Variants in NTM observed in about 807,000 individuals in gnomAD.
The protein encoded by NTM is IgLON family member 2.
A neutral mutation model predicts 42.1 loss-of-function variants in NTM; 13 were observed. The ratio of observed to expected loss-of-function variants is 0.31; its 90% CI spans 0.20 to 0.49. NTM has a LOEUF of 0.49. NTM is among the 20% of genes least tolerant of loss of function. The pLI is 0.99. For missense variants in NTM, 373 were observed against 452.8 expected (o/e 0.82, Z 1.60); for synonymous variants, 187 against 179.2 (o/e 1.04, Z -0.35).
chr11:131,823,867 A>G (rs1161872576), intron 1 of NTM, among the ~76,000 whole-genome samples: 1 of 152,242 alleles, frequency 6.6e-6, no homozygotes, highest in Non-Finnish European at 1.5e-5. Context: ...TTGCATTTAA[A>G]GTGCACAAAT....
chr11:131,851,786 T>G (rs1454018310), intron 1 of NTM, among the ~76,000 whole-genome samples: 1 of 152,006 alleles, frequency 6.6e-6, no homozygotes, highest in Non-Finnish European at 1.5e-5. Context: ...TGCCAAATGA[T>G]GGACCAAAGC....
Position 131,637,469 on chromosome 11 carries a change from T to C in NTM, c.82+266581T>C, listed in dbSNP as rs141441177. Among the ~76,000 whole-genome samples the C allele has an allele frequency of 7.2e-4, 109 of 151,858 alleles. 1 individual carries two copies. Among genetic ancestry groups the C allele is most frequent in the Admixed American group, 1.2e-3 (19 of 15,244 alleles). ...CCTGTATTCGTAGGTCTTTTCCAGA[T>C]GGCCCACTGTCTAGATCATACTGCC... On this transcript the variant is annotated intron_variant, in intron 1 of 8. Transcript: ENST00000683400.
intron 1 of NTM, among the ~76,000 whole-genome samples, chr11:131,707,167 C>T (rs547509964): frequency 6.6e-6 from 1 of 151,970 alleles, no homozygotes; most frequent in African/African-American, 2.4e-5. Context: ...CATCACCCCA[C>T]CCCTGAGTCC....
chr11:131,577,821 C>A (rs2058064895), intron 1 of NTM, among the ~76,000 whole-genome samples: 1 of 152,194 alleles, frequency 6.6e-6, no homozygotes, highest in Non-Finnish European at 1.5e-5. Flanking sequence ...AAGATTAAGT[C>A]ATGTCAGACA....
At chr11:131,437,350 T>C (rs1949227813) in intron 1 of NTM, among the ~76,000 whole-genome samples, 1 of 152,202 alleles carries the variant, frequency 6.6e-6, no homozygotes, top group South Asian at 2.1e-4. Flanking sequence ...GTTAACCTTC[T>C]GTCTCGTCGG....
chr11:131,690,975 C>G (rs1353465929), intron 1 of NTM, among the ~76,000 whole-genome samples: 2 of 152,124 alleles, frequency 1.3e-5, no homozygotes, highest in Admixed American at 6.5e-5. Flanking sequence ...CAGCGAGGGC[C>G]CTTGGAGCGG....
In NTM at chr11:131,611,055, A is replaced by G. The variant is rs112749039; in HGVS notation, c.82+240167A>G. Among the ~76,000 whole-genome samples the G allele has an allele frequency of 8.6e-4, 131 of 152,260 alleles. 2 individuals carry two copies. Among genetic ancestry groups the G allele is most frequent in the African/African-American group, 3.1e-3 (129 of 41,560 alleles). ...GGGGAACCTGGACTGAGGTGTTTATAAGAATGGGAAAGAGGCGTGGAGGAG... is the reference window on the plus strand; with the variant it reads ...GGGGAACCTGGACTGAGGTGTTTATGAGAATGGGAAAGAGGCGTGGAGGAG... On this transcript the variant is annotated intron_variant, in intron 1 of 8. Coordinates refer to ENST00000683400, the MANE Select transcript of NTM (RefSeq NM_001352005.2).
chr11:131,443,673 A>G (rs1949798573), intron 1 of NTM, among the ~76,000 whole-genome samples: 1 of 152,192 alleles, frequency 6.6e-6, no homozygotes, highest in African/African-American at 2.4e-5. Flanking sequence ...AATTTTAATG[A>G]GTAGACCACA....
At chr11:131,490,021 T>A (rs939334226) in intron 1 of NTM, among the ~76,000 whole-genome samples, 8 of 152,172 alleles carry the variant, frequency 5.3e-5, no homozygotes, top group Non-Finnish European at 2.9e-5. Context: ...GAAAGGGAGC[T>A]GGTGTGCAGA....
intron 1 of NTM, among the ~76,000 whole-genome samples, chr11:131,744,932 C>A (rs1216442308): frequency 6.6e-6 from 1 of 152,208 alleles, no homozygotes; most frequent in Non-Finnish European, 1.5e-5. Flanking sequence ...GGGCTGCTAG[C>A]TGCATCTGCA....
chr11:132,081,681 G>A (rs191381946), intron 2 of NTM, among the ~76,000 whole-genome samples: 48 of 150,504 alleles, frequency 3.2e-4, no homozygotes, highest in Middle Eastern at 6.8e-3. Context: ...GCAGTGAGCC[G>A]AGATTGCACT....
At position 132,003,033 on chromosome 11, in the gene NTM, G is replaced by T. The variant is rs944794077; in HGVS notation, c.167+91385G>T. Among the ~76,000 whole-genome samples, 26 of 152,132 alleles carry T rather than the reference G, an allele frequency of 1.7e-4. No homozygotes were observed. Among genetic ancestry groups the T allele is most frequent in the Non-Finnish European group, 1.8e-4 (12 of 68,026 alleles). ...AGCTGATTTCTGGCTTAGAAGTTAGGGTTAGGAAAGTAACTAGTGAGCGCA... is the reference window on the plus strand; with the variant it reads ...AGCTGATTTCTGGCTTAGAAGTTAGTGTTAGGAAAGTAACTAGTGAGCGCA... On this transcript the variant is annotated intron_variant, in intron 2 of 8. Coordinates refer to ENST00000683400, the MANE Select transcript of NTM (RefSeq NM_001352005.2). The surrounding 1 kb of genome is among the most constrained non-coding windows in gnomAD (Gnocchi z 6.0).
chr11:132,034,080 T>A (rs1383874249), intron 2 of NTM, among the ~76,000 whole-genome samples: 1 of 152,220 alleles, frequency 6.6e-6, no homozygotes, highest in Non-Finnish European at 1.5e-5. Context: ...TCAAAATACA[T>A]GACTTTCTTA....
At chr11:131,595,176 T>TGCTGCTCTGTCTAGGGCTC (rs2059710652) in intron 1 of NTM, among the ~76,000 whole-genome samples, 2 of 152,174 alleles carry the variant, frequency 1.3e-5, no homozygotes, top group East Asian at 1.9e-4. Flanking sequence ...GCATGGGGCT[T>TGCTGCTCTGTCTAGGGCTC]GCTGCTCTGT....
intron 1 of NTM, among the ~76,000 whole-genome samples, chr11:131,868,633 C>A (rs1192698673): frequency 2.0e-5 from 3 of 152,296 alleles, no homozygotes; most frequent in East Asian, 3.9e-4. Flanking sequence ...GAGTTTCTTG[C>A]GATGTCCGTG....
At chr11:131,614,429 A>G (rs2061730159) in intron 1 of NTM, among the ~76,000 whole-genome samples, 1 of 152,164 alleles carries the variant, frequency 6.6e-6, no homozygotes, top group Non-Finnish European at 1.5e-5. Context: ...CTTTCCCCAA[A>G]ATGGGTCTGT....
intron 7 of NTM, among the ~76,000 whole-genome samples, chr11:132,318,977 C>T (rs1839316): frequency 1.8e-4 from 28 of 151,940 alleles, no homozygotes; most frequent in African/African-American, 6.5e-4. Context: ...AGCACCACAG[C>T]GATGAGCCAC....
chr11:132,056,125 A>T (rs923598429), intron 2 of NTM, among the ~76,000 whole-genome samples: 10 of 152,262 alleles, frequency 6.6e-5, no homozygotes, highest in African/African-American at 2.4e-4. Context: ...ATTGGAAATG[A>T]TAAACTCCTC....
chr11:131,393,720 C>T (rs919209318), intron 1 of NTM, among the ~76,000 whole-genome samples: 7 of 152,250 alleles, frequency 4.6e-5, no homozygotes, highest in South Asian at 4.1e-4. Context: ...CCTCTTTCCC[C>T]ACCAATCGCT....
Sources: gnomAD v4.1 joint callset for allele counts (sites outside exome capture counted in the v4.1 genomes callset) on GRCh38, gnomAD v4.1.1 for gene constraint, Gnocchi (gnomAD v3.1) non-coding constraint, MANE v1.5 for transcripts, NCBI Gene and HGNC (gene_info 2026-07-23, HGNC 2026-07-21) for gene names.